HDAC4: variants seen among roughly 807,000 people sequenced by gnomAD.
The protein encoded by HDAC4 is histone deacetylase 4, also known as histone deacetylase A.
HDAC4 carries 16 observed loss-of-function variants against 135.1 expected under a neutral mutation model. That is an observed-to-expected ratio of 0.12 (90% CI 0.08 to 0.18). The LOEUF (loss-of-function observed/expected upper bound fraction) is 0.18. HDAC4 is among the 10% of genes least tolerant of loss of function. The pLI is 1.00. For missense variants in HDAC4, 1,143 were observed against 1,511.8 expected, an observed-to-expected ratio of 0.76 and a Z score of 4.05; for synonymous variants, 685 against 653.4, an observed-to-expected ratio of 1.05 and a Z score of -0.74.
chr2:239,388,458 C>A (rs1012948679), intron 1 of HDAC4, among the ~76,000 whole-genome samples: 1 of 152,250 alleles, frequency 6.6e-6, no homozygotes, highest in Non-Finnish European at 1.5e-5. Flanking sequence ...CACCTGCCCA[C>A]CTCTGCATGG....
chr2:239,328,579 T>C (rs566089024), intron 2 of HDAC4, among the ~76,000 whole-genome samples: 1 of 152,246 alleles, frequency 6.6e-6, no homozygotes, highest in Admixed American at 6.5e-5. Context: ...AAACATCCTA[T>C]CCATGAGAGT....
chr2:239,147,543 G>C (rs545856756), intron 7 of HDAC4, among the ~76,000 whole-genome samples: 4 of 152,264 alleles, frequency 2.6e-5, no homozygotes, highest in African/African-American at 4.8e-5. Flanking sequence ...CACCGCCCTC[G>C]CGGGCCTTCC....
rs1182173556 is a variant in HDAC4, at chr2:239,331,775, C to G, written c.22+20903G>C. ...CACGGCGATGCACGAGGAGCCCAGG[C>G]CTGGGAGAGAAGGGAGGTGGAAAGA... On this transcript the variant is annotated intron_variant, in intron 2 of 26. Transcript: ENST00000543185. The surrounding 1 kb of genome is among the most constrained non-coding windows in gnomAD (Gnocchi z 4.5). Among the ~76,000 whole-genome samples the G allele has an allele frequency of 6.6e-6, 1 of 152,106 alleles. No homozygotes were observed. The highest frequency in any genetic ancestry group is 2.4e-5 in the African/African-American group (1 of 41,418).
intron 6 of HDAC4, among the ~76,000 whole-genome samples, chr2:239,163,225 T>C (rs999160030): frequency 6.6e-6 from 1 of 152,202 alleles, no homozygotes; most frequent in African/African-American, 2.4e-5. Flanking sequence ...CCACGGGGGC[T>C]TCCTGACTAG....
chr2:239,264,240 C>T (rs2049571126), intron 2 of HDAC4, among the ~76,000 whole-genome samples: 1 of 152,196 alleles, frequency 6.6e-6, no homozygotes, highest in Non-Finnish European at 1.5e-5. Context: ...TCTGCTCGGG[C>T]CGCCCCAGCC....
chr2:239,356,726 T>C (rs1373193698), intron 1 of HDAC4, among the ~76,000 whole-genome samples: 1 of 152,206 alleles, frequency 6.6e-6, no homozygotes, highest in African/African-American at 2.4e-5. Flanking sequence ...TAAACATTTA[T>C]GCACCTGTTG....
intron 1 of HDAC4, among the ~76,000 whole-genome samples, chr2:239,371,407 G>C (rs1226448809): frequency 6.6e-6 from 1 of 151,698 alleles, no homozygotes; most frequent in Non-Finnish European, 1.5e-5. Context: ...ACAAACACAA[G>C]CATGCACTTA....
At chr2:239,319,000 A>T (rs1372059291) in intron 2 of HDAC4, among the ~76,000 whole-genome samples, 2 of 152,162 alleles carry the variant, frequency 1.3e-5, no homozygotes, top group African/African-American at 4.8e-5. Flanking sequence ...ACATCCTCAG[A>T]GCCCTGGGGA....
rs1352219764 is a variant in HDAC4 at position 239,254,248 on chromosome 2, G to T, written c.23-17584C>A. 5.3e-5 allele frequency among the ~76,000 whole-genome samples: 8 copies of T among 152,086 alleles called. No individual in the cohort carries two copies. The East Asian group carries it at 1.5e-3, about 29-fold the overall frequency. Reference sequence around the variant, plus strand: ...AACACACAAAGAAGGATGAGAGGAAGGGAGGGAGGAAAGTCCCCTGCTGAA... The same window carrying T: ...AACACACAAAGAAGGATGAGAGGAATGGAGGGAGGAAAGTCCCCTGCTGAA... On this transcript the variant is annotated intron_variant, in intron 2 of 26. Coordinates refer to ENST00000543185, the MANE Select transcript of HDAC4 (RefSeq NM_001378414.1).
chr2:239,116,031 G>A (rs954696642), intron 12 of HDAC4, among the ~76,000 whole-genome samples: 7 of 152,148 alleles, frequency 4.6e-5, no homozygotes, highest in South Asian at 2.1e-4. Flanking sequence ...AGATGCCCCC[G>A]ACCTCTTTTC....
intron 18 of HDAC4, 135 bp from the exon 19 acceptor site, chr2:239,087,749 A>G (rs2036119386): frequency 2.4e-6 from 2 of 818,262 alleles, no homozygotes; most frequent in South Asian, 3.0e-5. Flanking sequence ...CCCTGGCCAC[A>G]GTGATGGGGA....
chr2:239,212,357 G>A (rs3791603), intron 3 of HDAC4, among the ~76,000 whole-genome samples: 12,952 of 151,948 alleles, frequency 0.085, 1,499 homozygotes, highest in African/African-American at 0.26. Context: ...GCACTGACCC[G>A]ACTCCCTCAA....
At chr2:239,104,839 T>C (rs759119108) in intron 15 of HDAC4, among the ~76,000 whole-genome samples, 20 of 152,220 alleles carry the variant, frequency 1.3e-4, no homozygotes, top group Non-Finnish European at 1.9e-4. Context: ...CAAATTAAAG[T>C]TGATGTTAGA....
At chr2:239,338,155 T>G (rs528721390) in intron 2 of HDAC4, among the ~76,000 whole-genome samples, 1 of 152,268 alleles carries the variant, frequency 6.6e-6, no homozygotes, top group East Asian at 1.9e-4. Context: ...CCCAGCTGGC[T>G]TGGTCTGTGC....
chr2:239,082,045 A>G, intron 21 of HDAC4, 57 bp downstream of exon 21: 5 of 1,341,340 alleles, frequency 3.7e-6, no homozygotes, highest in East Asian at 2.4e-5. Context: ...CCGTGCCCCC[A>G]CAGCGGCTCC....
At chr2:239,184,021 C>G (rs1164110671) in intron 4 of HDAC4, among the ~76,000 whole-genome samples, 1 of 126,710 alleles carries the variant, frequency 7.9e-6, no homozygotes, top group Non-Finnish European at 1.6e-5. Context: ...GTCACATGGA[C>G]ACACACACAC....
intron 2 of HDAC4, among the ~76,000 whole-genome samples, chr2:239,265,589 G>A (rs2049672153): frequency 6.6e-6 from 1 of 152,184 alleles, no homozygotes; most frequent in African/African-American, 2.4e-5. Context: ...TGACTCTCCT[G>A]CTCCGCAGAG....
Position 239,352,271 on chromosome 2 carries a change from C to G in HDAC4, c.22+407G>C, listed in dbSNP as rs1693220544. On this transcript the variant is annotated intron_variant, in intron 2 of 26. Transcript: ENST00000543185. This position sits in a 1 kb window ranked among gnomAD's most constrained non-coding sequence, Gnocchi z 4.4. ...ACCTCAGTGGGAACATGAGCTTCTT[C>G]CCAGACAGCCCAGACGCCCAGTTGG... 6.6e-6 allele frequency among the ~76,000 whole-genome samples: 1 copy of G among 152,134 alleles called. No homozygotes were observed. Among genetic ancestry groups the G allele is most frequent in the Admixed American group, 6.5e-5 (1 of 15,280 alleles).
intron 22 of HDAC4, among the ~76,000 whole-genome samples, chr2:239,073,597 C>G (rs959369489): frequency 1.3e-5 from 2 of 152,282 alleles, no homozygotes; most frequent in African/African-American, 4.8e-5. Context: ...CCTGTCCATA[C>G]AACTTCTGTA....
Sources: allele counts gnomAD v4.1 joint callset (sites outside exome capture counted in the v4.1 genomes callset), GRCh38; gene constraint gnomAD v4.1.1; non-coding constraint Gnocchi (gnomAD v3.1); transcripts MANE v1.5; gene names NCBI Gene and HGNC (gene_info 2026-07-23, HGNC 2026-07-21).